The following KCNT2 variants were observed in gnomAD, a reference collection of about 807,000 sequenced individuals.
KCNT2 encodes potassium sodium-activated channel subfamily T member 2.
In KCNT2, 67 loss-of-function variants were observed where a neutral mutation model predicts 153.8. The ratio of observed to expected loss-of-function variants is 0.44; its 90% CI spans 0.36 to 0.53. KCNT2 has a LOEUF of 0.53. Ranked by LOEUF, KCNT2 falls within the 20% of genes least tolerant of loss-of-function variation. The pLI is 0.00. For missense variants in KCNT2, 975 were observed against 1,354.8 expected (o/e 0.72, Z 4.40); for synonymous variants, 500 against 458.8 (o/e 1.09, Z -1.15).
At chr1:196,508,297 A>G (rs1322518983) in intron 1 of KCNT2, among the ~76,000 whole-genome samples, 4 of 151,650 alleles carry the variant, frequency 2.6e-5, no homozygotes, top group African/African-American at 9.7e-5. Context: ...AAAAAATTTT[A>G]ACCTTTTATG....
chr1:196,439,399 C>T (rs1366747334), intron 8 of KCNT2, among the ~76,000 whole-genome samples: 2 of 151,734 alleles, frequency 1.3e-5, no homozygotes, highest in Non-Finnish European at 2.9e-5. Flanking sequence ...ACAGAAATTT[C>T]CTGGGGAATT....
At chr1:196,578,565 G>A (rs1661647241) in intron 1 of KCNT2, among the ~76,000 whole-genome samples, 1 of 152,168 alleles carries the variant, frequency 6.6e-6, no homozygotes, top group African/African-American at 2.4e-5. Flanking sequence ...TTCCGCTTAT[G>A]TTAAAGTCTA....
chr1:196,467,113 G>C (rs1212010049), intron 7 of KCNT2, among the ~76,000 whole-genome samples: 1 of 152,000 alleles, frequency 6.6e-6, no homozygotes, highest in Non-Finnish European at 1.5e-5. Flanking sequence ...ATTAAGAGCA[G>C]TTTGACTAAA....
intron 1 of KCNT2, among the ~76,000 whole-genome samples, chr1:196,525,899 T>A: frequency 6.6e-6 from 1 of 152,206 alleles, no homozygotes; most frequent in Non-Finnish European, 1.5e-5. Flanking sequence ...GGTTATGTAT[T>A]GAACACTTGA....
At chr1:196,229,171 G>A (rs983675961) in intron 27 of KCNT2, among the ~76,000 whole-genome samples, 3 of 151,974 alleles carry the variant, frequency 2.0e-5, no homozygotes, top group South Asian at 2.1e-4. Context: ...TTTATAAATG[G>A]AAGGTTTGTG....
chr1:196,593,686 C>T (rs1321106410), intron 1 of KCNT2, among the ~76,000 whole-genome samples: 3 of 151,698 alleles, frequency 2.0e-5, no homozygotes, highest in South Asian at 2.1e-4. Context: ...ACCATGTACC[C>T]ACAAAAATTA....
Position 196,258,354 on chromosome 1 carries a change from C to T in KCNT2, c.3051G>A (p.Trp1017Ter), listed in dbSNP as rs1420561878. 6.2e-7 allele frequency: 1 copy of T among 1,613,956 alleles called. No individual in the cohort carries two copies. The highest frequency in any genetic ancestry group is 1.7e-5 in the Admixed American group (1 of 59,986). ...HPLLRRKSMQ[W>*]ARRLSRKGPK... Reference sequence around the variant, plus strand: ...GGCCTTTTCTGCTCAGTCTTCGGGCCCACTGCATGCTTTTTCTCCGCAGCA... The same window carrying T: ...GGCCTTTTCTGCTCAGTCTTCGGGCTCACTGCATGCTTTTTCTCCGCAGCA... The change falls in exon 26 of 28, where the codon TGG (tryptophan) becomes TGA (stop). Residue 1017 changes from tryptophan (W) to a stop codon, truncating the protein, a stop_gained. Transcript: ENST00000294725. LOFTEE classifies it high-confidence loss of function.
At chr1:196,474,425 T>A (rs1678359302) in intron 5 of KCNT2, among the ~76,000 whole-genome samples, 1 of 152,182 alleles carries the variant, frequency 6.6e-6, no homozygotes, top group South Asian at 2.1e-4. Flanking sequence ...GTCTTTGTAT[T>A]TCTACATATA....
rs1478725225 is a variant in KCNT2, at chr1:196,226,706, C to T, written c.*1518G>A. 1 of 151,862 alleles carries T rather than the reference C, an allele frequency of 6.6e-6. No individual in the cohort carries two copies. The highest frequency in any genetic ancestry group is 2.4e-5 in the African/African-American group (1 of 41,406). The allele number at this position is 151,862 out of a possible 1,614,324, so 9.4% of individuals were successfully genotyped here. On this transcript the variant is annotated 3_prime_UTR_variant, in exon 28 of 28. Coordinates refer to ENST00000294725, the MANE Select transcript of KCNT2 (RefSeq NM_198503.5). ...TATTTCTGTAGAATTATTGAGAGTA[C>T]ATTAGAATATCTTTTCTTTAAAAAT...
chr1:196,473,415 C>T (rs1678263356), intron 5 of KCNT2, among the ~76,000 whole-genome samples: 1 of 152,132 alleles, frequency 6.6e-6, no homozygotes, highest in African/African-American at 2.4e-5. Flanking sequence ...CTACTCCTAG[C>T]GCAGTGCTTG....
At chr1:196,326,970 G>T in intron 18 of KCNT2, 81 bp from the exon 19 acceptor site, 1 of 762,476 alleles carries the variant, frequency 1.3e-6, no homozygotes, top group Non-Finnish European at 2.1e-6. Context: ...ATAGGAAAAT[G>T]TAAAATTAAT....
intron 23 of KCNT2, 53 bp downstream of exon 23, chr1:196,285,604 A>G: frequency 8.8e-7 from 1 of 1,142,392 alleles, no homozygotes; most frequent in Non-Finnish European, 1.3e-6. Context: ...TTTAAATAAA[A>G]TCTAAAACAG....
chr1:196,269,151 G>A (rs965966953), intron 25 of KCNT2, among the ~76,000 whole-genome samples: 1 of 152,080 alleles, frequency 6.6e-6, no homozygotes, highest in Non-Finnish European at 1.5e-5. Context: ...GTGTAAAGAT[G>A]GAATTAATGT....
intron 21 of KCNT2, among the ~76,000 whole-genome samples, chr1:196,314,741 C>G (rs1240284137): frequency 6.6e-6 from 1 of 151,640 alleles, no homozygotes; most frequent in Non-Finnish European, 1.5e-5. Context: ...GCTGGAGCCT[C>G]TAGGATATAC....
intron 2 of KCNT2, among the ~76,000 whole-genome samples, chr1:196,491,574 G>T (rs574660278): frequency 3.3e-5 from 5 of 152,090 alleles, no homozygotes; most frequent in African/African-American, 1.2e-4. Context: ...TATTACATAT[G>T]GCTTTTTAAA....
rs1663067333 is a variant in KCNT2, at chr1:196,319,509, A to C, written c.2323T>G (p.Tyr775Asp). ...LDAICWFPMVYYMVGSIDNLD... is the reference protein window; with the variant it reads ...LDAICWFPMVDYMVGSIDNLD... ...TTGTCAATAGAGCCCACCATGTAGTAAACCATTGGAAACCAACAGATTGCA... is the reference window on the plus strand; with the variant it reads ...TTGTCAATAGAGCCCACCATGTAGTCAACCATTGGAAACCAACAGATTGCA... The change falls in exon 20 of 28, where the codon TAC becomes GAC. Residue 775 changes from tyrosine to aspartate, a missense_variant. By Grantham distance (160) the Tyr-to-Asp change is radical (BLOSUM62 -3). This residue lies in a region of KCNT2 where 325 missense variants were observed against 388.1 expected (regional missense o/e 0.84). Transcript: ENST00000294725. The C allele has an allele frequency of 6.2e-7, 1 of 1,610,068 alleles. No homozygotes were observed. The highest frequency in any genetic ancestry group is 1.7e-5 in the Admixed American group (1 of 59,722).
At chr1:196,302,118 A>G (rs551204088) in intron 22 of KCNT2, among the ~76,000 whole-genome samples, 1 of 152,304 alleles carries the variant, frequency 6.6e-6, no homozygotes, top group Non-Finnish European at 1.5e-5. Flanking sequence ...TTATAGATAG[A>G]TGGAAACAAT....
chr1:196,427,651 AG>A (rs1369182869), intron 10 of KCNT2, among the ~76,000 whole-genome samples: 16 of 152,122 alleles, frequency 1.1e-4, no homozygotes, highest in Admixed American at 1.0e-3. Flanking sequence ...AGGAAACAAA[AG>A]AAAAAAATGA....
intron 1 of KCNT2, among the ~76,000 whole-genome samples, chr1:196,557,489 T>C (rs1253199844): frequency 6.6e-6 from 1 of 151,058 alleles, no homozygotes; most frequent in African/African-American, 2.4e-5. Context: ...TCTTAATTAA[T>C]AGTCAAGATG....
Sources: gnomAD v4.1 joint callset for allele counts (sites outside exome capture counted in the v4.1 genomes callset) on GRCh38, gnomAD v4.1.1 for gene constraint, gnomAD v4.1.1 regional missense constraint, MANE v1.5 for transcripts, NCBI Gene and HGNC (gene_info 2026-07-23, HGNC 2026-07-21) for gene names.